Variants in CCNH observed in about 807,000 individuals in gnomAD.
The protein encoded by CCNH is cyclin H, also known as cyclin-H.
In CCNH, 31 loss-of-function variants were observed where a neutral mutation model predicts 41.9. The observed-to-expected ratio is 0.74, with a 90% confidence interval of 0.56 to 1.00. The LOEUF is 1.00. Ranked by LOEUF, CCNH falls within the 50% of genes least tolerant of loss-of-function variation. The pLI is 0.00. For missense variants in CCNH, 362 were observed against 388.4 expected (o/e 0.93, Z 0.57); for synonymous variants, 138 against 136.1 (o/e 1.01, Z -0.10).
upstream of CCNH, among the ~76,000 whole-genome samples, chr5:87,381,334 G>A (rs1164377189): frequency 2.0e-5 from 3 of 152,112 alleles, no homozygotes; most frequent in Non-Finnish European, 2.9e-5. Context: ...CTTATTGTAG[G>A]CTTTTGCTTT....
At chr5:87,402,595 C>T (rs1441580135) in intron 5 of CCNH, among the ~76,000 whole-genome samples, 2 of 152,126 alleles carry the variant, frequency 1.3e-5, no homozygotes, top group Admixed American at 1.3e-4. Flanking sequence ...TTTAAGAACT[C>T]TTGTTGCTGT....
chr5:87,376,769 G>T, exon 1 of CCNH: 1 of 1,240,024 alleles, frequency 8.1e-7, no homozygotes, highest in East Asian at 2.5e-5. Context: ...TTTATTCAAT[G>T]GGACATCATT....
downstream of CCNH, among the ~76,000 whole-genome samples, chr5:87,315,247 G>A (rs1166645601): frequency 6.6e-6 from 1 of 152,134 alleles, no homozygotes; most frequent in Admixed American, 6.5e-5. Flanking sequence ...TACAATTTTG[G>A]ATGCTGGGAA....
At chr5:87,367,281 G>C (rs952359696) in intron 9 of CCNH, among the ~76,000 whole-genome samples, 1 of 152,056 alleles carries the variant, frequency 6.6e-6, no homozygotes, top group Non-Finnish European at 1.5e-5. Flanking sequence ...AATACCAGAG[G>C]ACAAAAGGGG....
intron 9 of CCNH, among the ~76,000 whole-genome samples, chr5:87,358,693 C>T (rs553493756): frequency 4.6e-5 from 7 of 152,190 alleles, no homozygotes; most frequent in Non-Finnish European, 1.0e-4. Flanking sequence ...AAGCCAAAGT[C>T]CTTAGAATGG....
chr5:87,358,240 A>AC (rs1291485869), intron 9 of CCNH, among the ~76,000 whole-genome samples: 2 of 152,200 alleles, frequency 1.3e-5, no homozygotes, highest in Non-Finnish European at 2.9e-5. Flanking sequence ...CAAGCATTAG[A>AC]CAAAAAGGGT....
intron 9 of CCNH, chr5:87,331,542 T>TTTTGATA (rs779885951): frequency 3.1e-6 from 5 of 1,592,042 alleles, no homozygotes; most frequent in African/African-American, 1.3e-5. Context: ...GATGTAGCTA[T>TTTTGATA]TTTGATATAA....
intron 9 of CCNH, among the ~76,000 whole-genome samples, chr5:87,361,570 G>T (rs2112453461): frequency 6.6e-6 from 1 of 152,210 alleles, no homozygotes; most frequent in South Asian, 2.1e-4. Flanking sequence ...GAGTCCAATT[G>T]ACCTTAATAG....
chr5:87,336,627 T>G (rs1040005743), intron 9 of CCNH, among the ~76,000 whole-genome samples: 1 of 152,102 alleles, frequency 6.6e-6, no homozygotes, highest in African/African-American at 2.4e-5. Flanking sequence ...TTTTGCACCA[T>G]GAAAAGTTGG....
chr5:87,316,536 C>T (rs1243265662), downstream of CCNH, among the ~76,000 whole-genome samples: 4 of 152,092 alleles, frequency 2.6e-5, no homozygotes, highest in African/African-American at 9.7e-5. Context: ...TTTCATGTGT[C>T]AGGATTGCCA....
chr5:87,358,746 C>T (rs960492369), intron 9 of CCNH, among the ~76,000 whole-genome samples: 4 of 152,186 alleles, frequency 2.6e-5, no homozygotes, highest in African/African-American at 9.7e-5. Flanking sequence ...TTTCTGAACT[C>T]GTCTCTTCCT....
At chr5:87,334,379 C>T (rs1237979224) in intron 9 of CCNH, among the ~76,000 whole-genome samples, 1 of 152,034 alleles carries the variant, frequency 6.6e-6, no homozygotes, top group African/African-American at 2.4e-5. Context: ...TGGATGATGC[C>T]CACTCACATT....
chr5:87,368,978 A>G (rs921520293), intron 9 of CCNH, among the ~76,000 whole-genome samples: 6 of 152,128 alleles, frequency 3.9e-5, no homozygotes, highest in African/African-American at 9.7e-5. Flanking sequence ...TCCAATTCCT[A>G]TTTTCCATGA....
exon 1 of CCNH, chr5:87,376,337 A>G (rs1761324728): frequency 1.9e-6 from 3 of 1,591,076 alleles, no homozygotes; most frequent in Admixed American, 3.4e-5. Flanking sequence ...ATTTACTTGC[A>G]TGACTAATTA....
chr5:87,338,536 A>ATATATATATATATATATATT lies in CCNH; in HGVS notation c.*91-19640_*91-19639insAATATATATATATATATATA. 4.5e-4 allele frequency among the ~76,000 whole-genome samples: 38 copies of ATATATATATATATATATATT among 85,182 alleles called. 1 individual carries two copies. Among genetic ancestry groups the ATATATATATATATATATATT allele is most frequent in the East Asian group, 3.0e-3 (6 of 2,016 alleles). The allele number at this position is 85,182 out of a possible 152,430, so 55.9% of individuals were successfully genotyped here. On this transcript the variant is annotated intron_variant and NMD_transcript_variant, in intron 9 of 9. Coordinates refer to the CCNH transcript ENST00000645953. ...ATATATATATATATATATATATAAA[A>ATATATATATATATATATATT]TTTTTTTTTTTTTTAAGTAGAAATG...
upstream of CCNH, among the ~76,000 whole-genome samples, chr5:87,381,599 G>A (rs1415255205): frequency 6.6e-6 from 1 of 152,098 alleles, no homozygotes; most frequent in African/African-American, 2.4e-5. Context: ...TGGGGGGCAG[G>A]TAATATTTCT....
chr5:87,314,632 G>A (rs941278654), downstream of CCNH, among the ~76,000 whole-genome samples: 12 of 152,264 alleles, frequency 7.9e-5, no homozygotes, highest in South Asian at 2.5e-3. Flanking sequence ...AGATGGTTCA[G>A]CTCATAGCTT....
chr5:87,401,173 T>C (rs1249106494), intron 6 of CCNH, among the ~76,000 whole-genome samples: 1 of 152,206 alleles, frequency 6.6e-6, no homozygotes, highest in African/African-American at 2.4e-5. Flanking sequence ...ATGAATCCAT[T>C]CCTTGCCTGT....
downstream of CCNH, among the ~76,000 whole-genome samples, chr5:87,375,164 C>T (rs1380832488): frequency 6.6e-6 from 1 of 152,178 alleles, no homozygotes; most frequent in Admixed American, 6.5e-5. Flanking sequence ...TAGCCACCCT[C>T]CTTTCTCCAA....
Sources: allele counts gnomAD v4.1 joint callset (sites outside exome capture counted in the v4.1 genomes callset), GRCh38; gene constraint gnomAD v4.1.1; transcripts MANE v1.5; gene names NCBI Gene and HGNC (gene_info 2026-07-23, HGNC 2026-07-21).